TRPV2: variants seen among roughly 807,000 people sequenced by gnomAD.
TRPV2 encodes the protein transient receptor potential cation channel subfamily V member 2.
In TRPV2, 58 loss-of-function variants were observed where a neutral mutation model predicts 91.0. The ratio of observed to expected loss-of-function variants is 0.64; its 90% confidence interval spans 0.52 to 0.79. TRPV2 has a LOEUF of 0.79. Among genes scored for constraint, TRPV2 ranks in the 30% least tolerant of loss-of-function variants. The probability of loss-of-function intolerance (pLI) is 0.00; values close to 1 mark genes in which losing one functional copy is unlikely to be tolerated. For missense variants in TRPV2, 807 were observed against 969.6 expected, an observed-to-expected ratio of 0.83 and a Z score of 2.23; for synonymous variants, 417 against 414.8, an observed-to-expected ratio of 1.01 and a Z score of -0.06.
chr17:16,426,695 C>A lies in TRPV2; in HGVS notation c.1096-27C>A. 1 of 1,603,796 alleles carries A rather than the reference C, an allele frequency of 6.2e-7. No homozygotes were observed. Among genetic ancestry groups the A allele is most frequent in the South Asian group, 1.1e-5 (1 of 89,054 alleles). On this transcript the variant is annotated intron_variant, in intron 6 of 14. Coordinates refer to ENST00000338560, the MANE Select transcript of TRPV2 (RefSeq NM_016113.5). The surrounding 1 kb of genome is among the most constrained non-coding windows in gnomAD (Gnocchi z 6.0). The stretch of plus-strand genomic sequence containing the variant: ...AGCCTATTTGCACTTGTTGAGTGTA[C>A]CCATGGCTCTCCCCTCCCCACCCCA...
At chr17:16,436,213 C>T (rs2093433389) in intron 14 of TRPV2, among the ~76,000 whole-genome samples, 1 of 152,168 alleles carries the variant, frequency 6.6e-6, no homozygotes, top group Non-Finnish European at 1.5e-5. Flanking sequence ...GCCCAGCCTG[C>T]ACTCTTACCC....
At chr17:16,427,820 G>A (rs1192385907) in intron 8 of TRPV2, among the ~76,000 whole-genome samples, 1 of 152,180 alleles carries the variant, frequency 6.6e-6, no homozygotes, top group Admixed American at 6.5e-5. Context: ...AGCTGGAAGC[G>A]CCTGCCCCTA....
Position 16,435,973 on chromosome 17 carries a change from T to C in TRPV2, c.2195-816T>C, listed in dbSNP as rs1439678940. ...AAGCACTCCACACCCCACTGCCTGCTGGGGCCTCCAATGTGACATTCCCAA... is the reference window on the plus strand; with the variant it reads ...AAGCACTCCACACCCCACTGCCTGCCGGGGCCTCCAATGTGACATTCCCAA... On this transcript the variant is annotated intron_variant, in intron 14 of 14. Transcript: ENST00000338560. The surrounding 1 kb of genome is among the most constrained non-coding windows in gnomAD (Gnocchi z 4.2). 6.6e-6 allele frequency among the ~76,000 whole-genome samples: 1 copy of C among 152,186 alleles called. No homozygotes were observed. Among genetic ancestry groups the C allele is most frequent in the Non-Finnish European group, 1.5e-5 (1 of 68,028 alleles).
chr17:16,424,927 G>A (rs2093375780), intron 5 of TRPV2, among the ~76,000 whole-genome samples: 1 of 145,360 alleles, frequency 6.9e-6, no homozygotes, highest in Non-Finnish European at 1.5e-5. Context: ...CATAATATAT[G>A]TTATAACTAT....
chr17:16,420,296 AGTT>A lies in TRPV2; in HGVS notation c.334+49_334+51del. The A allele has an allele frequency of 1.6e-5, 4 of 246,062 alleles. No homozygotes were observed. The South Asian group carries it at 1.9e-4, about 12-fold the overall frequency. 15.2% of individuals were successfully genotyped at this position (246,062 alleles called of 1,614,324 possible). Reference sequence around the variant, plus strand: ...AAGGCTAGGCATCCTGTGAGCTGATAGTTAGGTGGGCTGTGTGGGCTTGATCCC... The same window carrying A: ...AAGGCTAGGCATCCTGTGAGCTGATAAGGTGGGCTGTGTGGGCTTGATCCC... On this transcript the variant is annotated intron_variant, in intron 3 of 14. Transcript: ENST00000338560.
intron 1 of TRPV2, among the ~76,000 whole-genome samples, chr17:16,417,046 C>T (rs566139791): frequency 2.8e-4 from 42 of 152,194 alleles, no homozygotes; most frequent in African/African-American, 9.6e-4. Context: ...ACAGTCATGG[C>T]TCTTCCTGGG....
intron 5 of TRPV2, among the ~76,000 whole-genome samples, chr17:16,425,697 C>G (rs2093379735): frequency 2.0e-5 from 3 of 152,146 alleles, no homozygotes; most frequent in Admixed American, 2.0e-4. Context: ...TGCTTCCTAA[C>G]CTGTTTGGAT....
In TRPV2 at chr17:16,434,977, G is replaced by T. The variant is rs764225792; in HGVS notation, c.2194+8G>T. 1 of 1,607,318 alleles carries T rather than the reference G, an allele frequency of 6.2e-7. No individual in the cohort carries two copies. The highest frequency in any genetic ancestry group is 8.5e-7 in the Non-Finnish European group (1 of 1,176,848). On this transcript the variant is annotated splice_region_variant and intron_variant, in intron 14 of 14. Coordinates refer to ENST00000338560, the MANE Select transcript of TRPV2 (RefSeq NM_016113.5). ...CAGGGGCAGGTGTCCCTCGTGAGTA[G>T]CCTGGTGACTAGAGCCTCTGCCCTG...
chr17:16,431,642 C>A, intron 10 of TRPV2, 142 bp from the exon 11 acceptor site: 1 of 727,598 alleles, frequency 1.4e-6, no homozygotes, highest in Non-Finnish European at 2.4e-6. Context: ...CTCGGTGTGG[C>A]TCCACAGGCC....
Position 16,417,574 on chromosome 17 carries a change from C to A in TRPV2, c.-95C>A. 2 of 1,388,454 alleles carry A rather than the reference C, an allele frequency of 1.4e-6. No homozygotes were observed. Among genetic ancestry groups the A allele is most frequent in the Non-Finnish European group, 2.0e-6 (2 of 993,612 alleles). The allele number at this position is 1,388,454 out of a possible 1,614,324, so 86.0% of individuals were successfully genotyped here. A position where few individuals can be genotyped will look rare whatever the true frequency, so the allele number is the denominator to read the frequency against. On this transcript the variant is annotated 5_prime_UTR_variant, in exon 2 of 15. Coordinates refer to ENST00000338560, the MANE Select transcript of TRPV2 (RefSeq NM_016113.5). ...CCTCCTTTTGCAGGCTCCAGTCAGG[C>A]CAACACCGACGCGCAGCTGGGAGGA...
At chr17:16,418,637 G>C (rs12952098) in intron 2 of TRPV2, among the ~76,000 whole-genome samples, 1 of 152,086 alleles carries the variant, frequency 6.6e-6, no homozygotes, top group Non-Finnish European at 1.5e-5. Context: ...CAGGGTAGGG[G>C]AGGATGCATG....
At chr17:16,431,713 T>A in intron 10 of TRPV2, 71 bp from the exon 11 acceptor site, 2 of 1,402,010 alleles carry the variant, frequency 1.4e-6, no homozygotes, top group Non-Finnish European at 2.0e-6. Flanking sequence ...CTGCTGTGGG[T>A]GAGGCAGGGT....
In TRPV2 at chr17:16,426,793, C is replaced by A; in HGVS notation, c.1167C>A (p.Pro389=). The A allele has an allele frequency of 6.2e-7, 1 of 1,614,114 alleles. No homozygotes were observed. Among genetic ancestry groups the A allele is most frequent in the Non-Finnish European group, 8.5e-7 (1 of 1,180,008 alleles). The change falls in exon 7 of 15, where the codon CCC becomes CCA. Residue 389 remains proline, a synonymous_variant. Coordinates refer to ENST00000338560, the MANE Select transcript of TRPV2 (RefSeq NM_016113.5). The surrounding 1 kb of genome is among the most constrained non-coding windows in gnomAD (Gnocchi z 6.0). ...LLQAKWDLLI[P]KFFLNFLCNL... ...AGGCGAAATGGGATCTGCTCATCCC[C>A]AAGTTCTTCTTAAACTTCCTGTGTA...
chr17:16,421,909 C>A (rs116272250), intron 3 of TRPV2, among the ~76,000 whole-genome samples: 1 of 152,116 alleles, frequency 6.6e-6, no homozygotes, highest in African/African-American at 2.4e-5. Context: ...ACGTGACTTG[C>A]CAGAGGAGAT....
intron 14 of TRPV2, among the ~76,000 whole-genome samples, chr17:16,436,269 T>C (rs1245143921): frequency 1.3e-5 from 2 of 152,190 alleles, no homozygotes; most frequent in African/African-American, 4.8e-5. Flanking sequence ...CAGCCCACGC[T>C]ACACAATGCC....
At position 16,426,035 on chromosome 17, in the gene TRPV2, G is replaced by T; in HGVS notation, c.925-64G>T. 6.3e-7 allele frequency: 1 copy of T among 1,587,704 alleles called. No individual in the cohort carries two copies. The highest frequency in any genetic ancestry group is 8.6e-7 in the Non-Finnish European group (1 of 1,161,014). ...GCTGCTGAGTCCTGGGTGTTTCCCA[G>T]CCTTGGCCCAGGATCAGTGCCAGGA... is the stretch of plus-strand genomic sequence containing the variant. On this transcript the variant is annotated intron_variant, in intron 5 of 14. Transcript: ENST00000338560. The surrounding 1 kb of genome is among the most constrained non-coding windows in gnomAD (Gnocchi z 6.0).
intron 10 of TRPV2, among the ~76,000 whole-genome samples, chr17:16,430,025 C>G (rs1175026777): frequency 6.6e-6 from 1 of 151,954 alleles, no homozygotes; most frequent in Admixed American, 6.6e-5. Flanking sequence ...CCACCATGCC[C>G]GGCTAATTTT....
At chr17:16,417,237 G>A (rs1305693350) in intron 1 of TRPV2, among the ~76,000 whole-genome samples, 1 of 150,524 alleles carries the variant, frequency 6.6e-6, no homozygotes, top group Non-Finnish European at 1.5e-5. Flanking sequence ...GTAATGAGAA[G>A]TAATGGCAAA....
Position 16,428,929 on chromosome 17 carries a change from T to C in TRPV2, c.1534T>C (p.Tyr512His). 1 of 1,614,204 alleles carries C rather than the reference T, an allele frequency of 6.2e-7. No homozygotes were observed. The highest frequency in any genetic ancestry group is 1.7e-4 in the Middle Eastern group (1 of 6,038). ...ALVLGWLNLL[Y>H]YTRGFQHTGI... The stretch of plus-strand genomic sequence containing the variant: ...GGTGCTGGGCTGGCTGAACCTGCTT[T>C]ACTATACACGTGGCTTCCAGCACAC... The change falls in exon 10 of 15, where the codon TAC becomes CAC. Residue 512 changes from tyrosine to histidine, a missense_variant. Physicochemically the swap from Tyr to His is moderately conservative, Grantham distance 83. Transcript: ENST00000338560.
Sources: allele counts gnomAD v4.1 joint callset (sites outside exome capture counted in the v4.1 genomes callset), GRCh38; gene constraint gnomAD v4.1.1; non-coding constraint Gnocchi (gnomAD v3.1); transcripts MANE v1.5; gene names NCBI Gene and HGNC (gene_info 2026-07-23, HGNC 2026-07-21).